EEFSEC: variants seen among roughly 807,000 people sequenced by gnomAD.
EEFSEC encodes the protein eukaryotic elongation factor, selenocysteine-tRNA specific.
In EEFSEC, 43 loss-of-function variants were observed where a neutral mutation model predicts 42.1. That is an observed-to-expected ratio of 1.02 (90% CI 0.80 to 1.32). EEFSEC has a LOEUF of 1.32. Ranked by LOEUF, EEFSEC falls within the 40% of genes most tolerant of loss-of-function variation. EEFSEC has a pLI of 0.00. For synonymous variants in EEFSEC, 354 were observed against 339.1 expected, an observed-to-expected ratio of 1.04 and a Z score of -0.48; for missense variants, 745 against 803.6, an observed-to-expected ratio of 0.93 and a Z score of 0.88.
the EEFSEC span, among the ~76,000 whole-genome samples, chr3:128,419,371 A>G: frequency 2.0e-4 from 30 of 152,382 alleles, no homozygotes; most frequent in Middle Eastern, 3.4e-3. Flanking sequence ...TGTCCTGTGG[A>G]TAAATCCTGA....
At chr3:128,374,969 A>G (rs201648126) in intron 6 of EEFSEC, among the ~76,000 whole-genome samples, 3 of 152,296 alleles carry the variant, frequency 2.0e-5, no homozygotes, top group East Asian at 3.9e-4. Flanking sequence ...ATTTTTGTCC[A>G]TCTGTTCCAC....
intron 4 of EEFSEC, among the ~76,000 whole-genome samples, chr3:128,283,604 C>T (rs1395857999): frequency 1.3e-5 from 2 of 152,158 alleles, no homozygotes; most frequent in Non-Finnish European, 2.9e-5. Context: ...CTAGCCTTGT[C>T]CTGGGGCCGA....
chr3:128,304,183 A>G (rs1476207520), intron 4 of EEFSEC, among the ~76,000 whole-genome samples: 1 of 151,292 alleles, frequency 6.6e-6, no homozygotes, highest in East Asian at 1.9e-4. Context: ...TTTCAGATGA[A>G]CTTTAATATT....
chr3:128,397,260 T>C (rs1213337817), intron 6 of EEFSEC, among the ~76,000 whole-genome samples: 1 of 152,204 alleles, frequency 6.6e-6, no homozygotes, highest in Non-Finnish European at 1.5e-5. Flanking sequence ...TCCAGGCTGC[T>C]GTATTCCCTG....
chr3:128,374,220 C>T (rs1003265301), intron 6 of EEFSEC, among the ~76,000 whole-genome samples: 12 of 152,238 alleles, frequency 7.9e-5, no homozygotes, highest in Admixed American at 2.6e-4. Context: ...TTGGACGTGA[C>T]ACCACACCAG....
At chr3:128,364,835 A>G (rs570758743) in intron 6 of EEFSEC, among the ~76,000 whole-genome samples, 1 of 152,234 alleles carries the variant, frequency 6.6e-6, no homozygotes, top group African/African-American at 2.4e-5. Context: ...CACAGCCTGC[A>G]TGGCAGCGTG....
At chr3:128,214,664 G>A (rs2065791478) in intron 1 of EEFSEC, among the ~76,000 whole-genome samples, 1 of 152,212 alleles carries the variant, frequency 6.6e-6, no homozygotes. Flanking sequence ...GTTAAGATAT[G>A]TATTCAATAG....
intron 1 of EEFSEC, among the ~76,000 whole-genome samples, chr3:128,221,817 A>G (rs555283897): frequency 1.4e-4 from 21 of 152,326 alleles, no homozygotes; most frequent in African/African-American, 4.8e-4. Context: ...AGAATATTTG[A>G]AATGTAAATA....
At chr3:128,347,198 A>G (rs1012103618) in intron 5 of EEFSEC, among the ~76,000 whole-genome samples, 2 of 151,808 alleles carry the variant, frequency 1.3e-5, no homozygotes, top group African/African-American at 4.8e-5. Context: ...GATACATTTG[A>G]TTTTTTCACA....
chr3:128,257,273 CAG>C (rs2066250817), intron 2 of EEFSEC, among the ~76,000 whole-genome samples: 1 of 152,160 alleles, frequency 6.6e-6, no homozygotes, highest in Non-Finnish European at 1.5e-5. Context: ...TAAGATTTCC[CAG>C]AGAAAGCCTC....
chr3:128,198,022 C>T (rs566165133), intron 1 of EEFSEC, among the ~76,000 whole-genome samples: 6 of 152,220 alleles, frequency 3.9e-5, no homozygotes, highest in Non-Finnish European at 7.4e-5. Flanking sequence ...TTCCCTTAAC[C>T]TTTTGTTTGT....
intron 4 of EEFSEC, among the ~76,000 whole-genome samples, chr3:128,274,067 A>G (rs1464918896): frequency 6.6e-6 from 1 of 152,076 alleles, no homozygotes; most frequent in Non-Finnish European, 1.5e-5. Context: ...GGCCAGGTGG[A>G]TGTCTTAGGA....
At chr3:128,212,531 A>G (rs1478344476) in intron 1 of EEFSEC, among the ~76,000 whole-genome samples, 1 of 152,190 alleles carries the variant, frequency 6.6e-6, no homozygotes, top group East Asian at 1.9e-4. Flanking sequence ...TTGAGTGCAT[A>G]AAGTAATGGA....
chr3:128,381,173 A>G (rs1340986452), intron 6 of EEFSEC, among the ~76,000 whole-genome samples: 2 of 152,188 alleles, frequency 1.3e-5, no homozygotes, highest in Admixed American at 1.3e-4. Context: ...TTCCTGCTAG[A>G]GACCACCTCC....
chr3:128,369,914 T>C (rs1015877764), intron 6 of EEFSEC, among the ~76,000 whole-genome samples: 1 of 152,206 alleles, frequency 6.6e-6, no homozygotes, highest in Non-Finnish European at 1.5e-5. Flanking sequence ...AACAAGGACA[T>C]TCTCCTGCAG....
chr3:128,316,125 G>C (rs2066942103), intron 4 of EEFSEC, among the ~76,000 whole-genome samples: 1 of 152,180 alleles, frequency 6.6e-6, no homozygotes, highest in African/African-American at 2.4e-5. Flanking sequence ...CTGCTTGTTT[G>C]TGGATTTATT....
intron 5 of EEFSEC, among the ~76,000 whole-genome samples, chr3:128,356,871 A>T (rs2067461440): frequency 6.6e-6 from 1 of 152,222 alleles, no homozygotes; most frequent in South Asian, 2.1e-4. Context: ...CTCTGTGGTC[A>T]CATCATCATC....
rs1179468369 is a variant in EEFSEC, at chr3:128,341,544, T to C, written c.1098T>C (p.Ser366=). The change falls in exon 5 of 7, where the codon TCT becomes TCC. Residue 366 remains serine, a synonymous_variant. Transcript: ENST00000254730. ...DNFDQEPILD[S]FNFSQEYLFQ... ...TTGACCAGGAGCCTATACTGGACTC[T>C]TTCAACTTCTCTCAAGAATACCTTT... is the stretch of plus-strand genomic sequence containing the variant. The C allele has an allele frequency of 6.2e-7, 1 of 1,613,990 alleles. No individual in the cohort carries two copies. Among genetic ancestry groups the C allele is most frequent in the African/African-American group, 1.3e-5 (1 of 74,948 alleles).
chr3:128,380,354 A>G (rs1302943772), intron 6 of EEFSEC, among the ~76,000 whole-genome samples: 1 of 152,240 alleles, frequency 6.6e-6, no homozygotes, highest in African/African-American at 2.4e-5. Flanking sequence ...CTTTCACCAT[A>G]CAGAGTACAG....
Sources: gnomAD v4.1 joint callset for allele counts (sites outside exome capture counted in the v4.1 genomes callset) on GRCh38, gnomAD v4.1.1 for gene constraint, MANE v1.5 for transcripts, NCBI Gene and HGNC (gene_info 2026-07-23, HGNC 2026-07-21) for gene names.